Variants in SLC16A5 observed in about 807,000 individuals in gnomAD.
SLC16A5 encodes the protein monocarboxylate transporter 6.
SLC16A5 carries 29 observed loss-of-function variants against 33.2 expected under a neutral mutation model. The ratio of observed to expected loss-of-function variants is 0.87; its 90% CI spans 0.65 to 1.19. The LOEUF is 1.19. SLC16A5 is among the 50% of genes most tolerant of loss of function. The pLI is 0.00. For synonymous variants in SLC16A5, 248 were observed against 284.1 expected, an observed-to-expected ratio of 0.87 and a Z score of 1.28; for missense variants, 606 against 678.2, an observed-to-expected ratio of 0.89 and a Z score of 1.18.
intron 3 of SLC16A5, among the ~76,000 whole-genome samples, chr17:75,095,613 T>A (rs898233298): frequency 6.6e-6 from 1 of 151,830 alleles, no homozygotes; most frequent in African/African-American, 2.4e-5. Flanking sequence ...TCCTGCCACC[T>A]CAGCCTCCCG....
chr17:75,091,873 T>A (rs774111602), intron 2 of SLC16A5, among the ~76,000 whole-genome samples: 1 of 151,896 alleles, frequency 6.6e-6, no homozygotes, highest in Non-Finnish European at 1.5e-5. Context: ...GGAGGCAGGA[T>A]AGGAGGGGGT....
At chr17:75,088,399 C>T (rs901978642) in intron 1 of SLC16A5, among the ~76,000 whole-genome samples, 3 of 152,276 alleles carry the variant, frequency 2.0e-5, no homozygotes, top group African/African-American at 4.8e-5. Context: ...GGCGAGAGTA[C>T]GGCATGAGGT....
At chr17:75,092,822 CGTGTGTGTGTGTGTGT>C (rs10541835) in intron 2 of SLC16A5, among the ~76,000 whole-genome samples, 5 of 135,972 alleles carry the variant, frequency 3.7e-5, no homozygotes, top group African/African-American at 5.3e-5. Flanking sequence ...TGTGCCACTG[CGTGTGTGTGTGTGTGT>C]GTGTGTGTGT....
intron 5 of SLC16A5, among the ~76,000 whole-genome samples, chr17:75,103,110 C>G (rs778178156): frequency 1.3e-5 from 2 of 152,064 alleles, no homozygotes; most frequent in African/African-American, 4.8e-5. Context: ...AGGCTGTTCT[C>G]GAACTCCTGA....
At chr17:75,104,802 T>G in intron 6 of SLC16A5, 1 of 985,372 alleles carries the variant, frequency 1.0e-6, no homozygotes, top group Non-Finnish European at 1.2e-6. Flanking sequence ...CCCTCCGGAC[T>G]TTTTTCCTTG....
intron 2 of SLC16A5, 65 bp from the exon 3 acceptor site, chr17:75,093,524 G>A (rs1432624980): frequency 3.9e-6 from 6 of 1,538,490 alleles, no homozygotes; most frequent in Non-Finnish European, 5.2e-6. Context: ...CAGAGAAGGT[G>A]GCAGGTGGGC....
At chr17:75,109,063 TGGGA>T (rs929255230), downstream of SLC16A5, among the ~76,000 whole-genome samples, 5 of 152,212 alleles carry the variant, frequency 3.3e-5, no homozygotes, top group African/African-American at 7.2e-5. This position sits in a 1 kb window ranked among gnomAD's most constrained non-coding sequence, Gnocchi z 5.0. Flanking sequence ...TCAAATGCGA[TGGGA>T]GTGTGGCTAG....
rs761950014 is a variant in SLC16A5 at position 75,100,188 on chromosome 17, C to T, written c.525C>T (p.Phe175=). The change falls in exon 5 of 7, where the codon TTC becomes TTT. Residue 175 remains phenylalanine, a synonymous_variant. Coordinates refer to ENST00000329783, the MANE Select transcript of SLC16A5 (RefSeq NM_004695.4). The part of the protein sequence containing the change: ...NLGWRGTFLV[F]GGIFLHCCIC... ...GCTGGAGGGGTACCTTCCTTGTCTT[C>T]GGCGGGATCTTTCTCCACTGCTGCA... The T allele has an allele frequency of 5.0e-6, 8 of 1,614,112 alleles. No homozygotes were observed. Among genetic ancestry groups the T allele is most frequent in the East Asian group, 4.5e-5 (2 of 44,900 alleles).
At chr17:75,108,094 C>A (rs1389673593), downstream of SLC16A5, among the ~76,000 whole-genome samples, 2 of 152,100 alleles carry the variant, frequency 1.3e-5, no homozygotes, top group East Asian at 3.9e-4. Context: ...GAGCGAGACT[C>A]CATCTCAAAA....
At chr17:75,088,822 G>T (rs2073601916) in intron 1 of SLC16A5, 1 of 152,214 alleles carries the variant, frequency 6.6e-6, no homozygotes, top group Non-Finnish European at 1.5e-5. Context: ...CCAGGCGTTC[G>T]AGCTCCAGGG....
chr17:75,103,934 T>C, intron 5 of SLC16A5, 36 bp from the exon 6 acceptor site: 2 of 1,579,530 alleles, frequency 1.3e-6, no homozygotes, highest in Non-Finnish European at 1.7e-6. Context: ...GGGGGAGGCC[T>C]GGTAGCACTG....
In SLC16A5 at chr17:75,100,610, GGCTC is replaced by G; in HGVS notation, c.948_951del (p.Asn319TrpfsTer23). 6.2e-7 allele frequency: 1 copy of G among 1,614,200 alleles called. No individual in the cohort carries two copies. The highest frequency in any genetic ancestry group is 8.5e-7 in the Non-Finnish European group (1 of 1,180,038). ...TTCAGCCTGGCACTCCTGCTCAATG[GGCTC>G]ACTAACCTGGTGTGTGCGGCATCAG... On this transcript the variant is annotated frameshift_variant, in exon 5 of 7. Transcript: ENST00000329783. LOFTEE classifies it high-confidence loss of function.
At chr17:75,092,054 C>T (rs1239663235) in intron 2 of SLC16A5, among the ~76,000 whole-genome samples, 2 of 110,900 alleles carry the variant, frequency 1.8e-5, no homozygotes, top group Admixed American at 1.7e-4. Context: ...TGTGTGTGCA[C>T]GCATGCGCAG....
At chr17:75,106,944 C>T (rs890046008), downstream of SLC16A5, among the ~76,000 whole-genome samples, 2 of 151,386 alleles carry the variant, frequency 1.3e-5, no homozygotes, top group Non-Finnish European at 2.9e-5. Flanking sequence ...GCAGGAGGAT[C>T]GCTTGAGACC....
At chr17:75,091,413 C>G (rs1466149124) in intron 2 of SLC16A5, among the ~76,000 whole-genome samples, 1 of 152,184 alleles carries the variant, frequency 6.6e-6, no homozygotes, top group Non-Finnish European at 1.5e-5. Flanking sequence ...CTGGGAGGAT[C>G]TCTAGCCAGA....
chr17:75,102,606 G>C (rs961313466), intron 5 of SLC16A5, among the ~76,000 whole-genome samples: 1 of 152,186 alleles, frequency 6.6e-6, no homozygotes, highest in Non-Finnish European at 1.5e-5. Context: ...TAAAGCCCTC[G>C]GTACCGGGGA....
upstream of SLC16A5, among the ~76,000 whole-genome samples, chr17:75,087,452 T>C (rs929432496): frequency 6.6e-6 from 1 of 152,166 alleles, no homozygotes; most frequent in Non-Finnish European, 1.5e-5. Flanking sequence ...GAGGGCCACA[T>C]GCAGAAGTGG....
At chr17:75,106,740 C>T (rs1160756156), downstream of SLC16A5, among the ~76,000 whole-genome samples, 1 of 150,724 alleles carries the variant, frequency 6.6e-6, no homozygotes, top group East Asian at 2.0e-4. Flanking sequence ...ACTAAAAATA[C>T]AAAAATTAGC....
intron 2 of SLC16A5, chr17:75,093,190 T>A (rs956927957): frequency 5.6e-6 from 3 of 538,226 alleles, no homozygotes; most frequent in Non-Finnish European, 1.0e-5. Flanking sequence ...TGGGGGGCGT[T>A]GGGACTACAC....
Sources: allele counts gnomAD v4.1 joint callset (sites outside exome capture counted in the v4.1 genomes callset), GRCh38; gene constraint gnomAD v4.1.1; non-coding constraint Gnocchi (gnomAD v3.1); transcripts MANE v1.5; gene names NCBI Gene and HGNC (gene_info 2026-07-23, HGNC 2026-07-21).